The following GPC6 variants were observed in gnomAD, a reference collection of about 807,000 sequenced individuals.
GPC6 encodes glypican-6.
A neutral mutation model predicts 55.2 loss-of-function variants in GPC6; 14 were observed. The ratio of observed to expected loss-of-function variants is 0.25; its 90% CI spans 0.17 to 0.40. GPC6 has a LOEUF of 0.40. Among genes scored for constraint, GPC6 ranks in the 10% least tolerant of loss-of-function variants. The probability of loss-of-function intolerance (pLI) is 1.00; values close to 1 mark genes in which losing one functional copy is unlikely to be tolerated. For synonymous variants in GPC6, 278 were observed against 259.6 expected, an observed-to-expected ratio of 1.07 and a Z score of -0.68; for missense variants, 641 against 708.5, an observed-to-expected ratio of 0.90 and a Z score of 1.08.
In GPC6 at chr13:93,555,636, A is replaced by G. The variant is rs926788018; in HGVS notation, c.319+10215A>G. 5.9e-5 allele frequency among the ~76,000 whole-genome samples: 9 copies of G among 152,318 alleles called. No individual in the cohort carries two copies. In the South Asian group the frequency reaches 1.5e-3, roughly 25 times the overall value. ...CCCCGGACAAAGAGTGCCTTTACTT[A>G]GAGTAAAGCAAGTAGAGGTTCTTAT... On this transcript the variant is annotated intron_variant, in intron 2 of 8. Transcript: ENST00000377047.
At chr13:93,795,791 C>G (rs1886179308) in intron 2 of GPC6, among the ~76,000 whole-genome samples, 1 of 152,134 alleles carries the variant, frequency 6.6e-6, no homozygotes, top group East Asian at 1.9e-4. Context: ...CAATCACCAT[C>G]TCTGAACACT....
At chr13:93,787,657 T>C (rs1247248092) in intron 2 of GPC6, among the ~76,000 whole-genome samples, 7 of 152,214 alleles carry the variant, frequency 4.6e-5, no homozygotes, top group Non-Finnish European at 1.0e-4. Flanking sequence ...ACCTTAAATA[T>C]TTATCTTTTC....
intron 2 of GPC6, among the ~76,000 whole-genome samples, chr13:93,750,698 T>C (rs557389560): frequency 9.2e-5 from 14 of 152,194 alleles, no homozygotes; most frequent in African/African-American, 3.4e-4. Flanking sequence ...GAAACAAGCC[T>C]GATTAGTTTT....
chr13:94,372,978 T>C (rs950336799), intron 6 of GPC6, among the ~76,000 whole-genome samples: 36 of 152,070 alleles, frequency 2.4e-4, no homozygotes, highest in Middle Eastern at 3.4e-3. Flanking sequence ...CGGCAGGGTA[T>C]TCCAACAGAC....
intron 2 of GPC6, among the ~76,000 whole-genome samples, chr13:93,687,872 C>A (rs751353222): frequency 1.3e-5 from 2 of 150,882 alleles, no homozygotes; most frequent in African/African-American, 4.9e-5. Context: ...TATTTCAAAG[C>A]CTTAGGATTT....
chr13:94,218,981 G>A (rs1208274943), intron 4 of GPC6, among the ~76,000 whole-genome samples: 1 of 152,094 alleles, frequency 6.6e-6, no homozygotes, highest in African/African-American at 2.4e-5. Flanking sequence ...TAAAATATGT[G>A]ATCATTTAAA....
At chr13:93,533,394 C>T (rs1454016952) in intron 1 of GPC6, among the ~76,000 whole-genome samples, 1 of 152,208 alleles carries the variant, frequency 6.6e-6, no homozygotes, top group African/African-American at 2.4e-5. Context: ...AATTCCTTAA[C>T]ATCCTTGGCA....
At chr13:93,837,881 A>G (rs1665321782) in intron 3 of GPC6, among the ~76,000 whole-genome samples, 2 of 152,308 alleles carry the variant, frequency 1.3e-5, no homozygotes, top group South Asian at 4.1e-4. Context: ...GCAGTAACAG[A>G]GCAGAAGTGC....
At chr13:93,891,917 A>G (rs910137249) in intron 3 of GPC6, among the ~76,000 whole-genome samples, 2 of 151,772 alleles carry the variant, frequency 1.3e-5, no homozygotes, top group Admixed American at 6.6e-5. Flanking sequence ...GGGTGTATGT[A>G]TAGAGTGTGA....
intron 4 of GPC6, among the ~76,000 whole-genome samples, chr13:94,171,994 A>G (rs1888584677): frequency 6.6e-6 from 1 of 151,510 alleles, no homozygotes; most frequent in Admixed American, 6.6e-5. Context: ...AGCATTTTCA[A>G]TTTTTTTTTA....
At chr13:93,993,205 G>T (rs1196095703) in intron 3 of GPC6, among the ~76,000 whole-genome samples, 1 of 151,738 alleles carries the variant, frequency 6.6e-6, no homozygotes, top group Non-Finnish European at 1.5e-5. Flanking sequence ...CTTTTGCCAT[G>T]TAAATAGATG....
At chr13:94,161,936 A>T (rs1046287761) in intron 4 of GPC6, among the ~76,000 whole-genome samples, 9 of 152,168 alleles carry the variant, frequency 5.9e-5, no homozygotes, top group African/African-American at 1.9e-4. Context: ...CAAGAGAAGA[A>T]TGGGAGCCAA....
intron 1 of GPC6, among the ~76,000 whole-genome samples, chr13:93,236,047 C>T (rs2139008546): frequency 6.6e-6 from 1 of 152,224 alleles, no homozygotes; most frequent in South Asian, 2.1e-4. Flanking sequence ...ATGTCTCTTC[C>T]TTGATGAGGC....
At position 94,275,660 on chromosome 13, in the gene GPC6, G is replaced by A. The variant is rs566747043; in HGVS notation, c.878-10689G>A. Among the ~76,000 whole-genome samples, 6 of 151,032 alleles carry A rather than the reference G, an allele frequency of 4.0e-5. No homozygotes were observed. The East Asian group carries it at 1.2e-3, about 30-fold the overall frequency. ...GAGAAAAGATAAACAATAACTAAGG[G>A]AAAATATTGGTAATTCATGAAACAA... On this transcript the variant is annotated intron_variant, in intron 4 of 8. Coordinates refer to ENST00000377047, the MANE Select transcript of GPC6 (RefSeq NM_005708.5).
intron 2 of GPC6, among the ~76,000 whole-genome samples, chr13:93,716,037 T>C (rs1883244357): frequency 6.6e-6 from 1 of 151,596 alleles, no homozygotes; most frequent in Non-Finnish European, 1.5e-5. Context: ...TATCCCCTCG[T>C]GACTCATAGC....
chr13:94,324,345 G>T (rs1391177102), intron 6 of GPC6, among the ~76,000 whole-genome samples: 1 of 148,780 alleles, frequency 6.7e-6, no homozygotes, highest in Non-Finnish European at 1.5e-5. Flanking sequence ...AGCCAGACAA[G>T]GTAGAAATAC....
At chr13:94,078,700 A>C (rs1885002782) in intron 4 of GPC6, among the ~76,000 whole-genome samples, 1 of 151,950 alleles carries the variant, frequency 6.6e-6, no homozygotes. Context: ...AACATGAACT[A>C]AAAGAAACTC....
rs538898066 is a variant in GPC6, at chr13:94,353,515, G to A, written c.1153-28899G>A. On this transcript the variant is annotated intron_variant, in intron 6 of 8. Coordinates refer to ENST00000377047, the MANE Select transcript of GPC6 (RefSeq NM_005708.5). ...AAAGCCTGTTTGTTCAGCGTAAAGA[G>A]GCCTCTCCACTAATTAACACTTTCC... Among the ~76,000 whole-genome samples, 41 of 152,178 alleles carry A rather than the reference G, an allele frequency of 2.7e-4. 1 individual carries two copies. In the South Asian group the frequency reaches 7.7e-3, roughly 28 times the overall value.
intron 1 of GPC6, among the ~76,000 whole-genome samples, chr13:93,311,386 C>T (rs1005306039): frequency 2.0e-5 from 3 of 152,242 alleles, no homozygotes; most frequent in East Asian, 3.9e-4. Context: ...TCCCAATCCC[C>T]CTGTGAATGT....
Sources: allele counts gnomAD v4.1 joint callset (sites outside exome capture counted in the v4.1 genomes callset), GRCh38; gene constraint gnomAD v4.1.1; transcripts MANE v1.5; gene names NCBI Gene and HGNC (gene_info 2026-07-23, HGNC 2026-07-21).